The following ST6GALNAC3 variants were observed in gnomAD, a reference collection of about 807,000 sequenced individuals.
ST6GALNAC3 encodes the protein alpha-N-acetylgalactosaminide alpha-2,6-sialyltransferase 3.
A neutral mutation model predicts 32.7 loss-of-function variants in ST6GALNAC3; 25 were observed. The observed-to-expected ratio is 0.76, with a 90% CI of 0.56 to 1.07. The LOEUF (loss-of-function observed/expected upper bound fraction) is 1.07. ST6GALNAC3 is among the 50% of genes least tolerant of loss of function. The probability of loss-of-function intolerance (pLI) is 0.00; values close to 1 mark genes in which losing one functional copy is unlikely to be tolerated. For synonymous variants in ST6GALNAC3, 129 were observed against 133.1 expected (o/e 0.97, Z 0.21); for missense variants, 355 against 382.4 (o/e 0.93, Z 0.60).
intron 2 of ST6GALNAC3, among the ~76,000 whole-genome samples, chr1:76,349,524 AT>A (rs1203570734): frequency 2.6e-5 from 4 of 152,018 alleles, no homozygotes; most frequent in African/African-American, 9.7e-5. Context: ...GGCTTTTTGA[AT>A]TTTTGTTTTC....
At chr1:76,438,622 A>G (rs1198826565) in intron 3 of ST6GALNAC3, among the ~76,000 whole-genome samples, 1 of 152,148 alleles carries the variant, frequency 6.6e-6, no homozygotes, top group Non-Finnish European at 1.5e-5. Flanking sequence ...GCTCTAATAT[A>G]AGAACACTTT....
intron 1 of ST6GALNAC3, among the ~76,000 whole-genome samples, chr1:76,107,773 G>A (rs1647638315): frequency 6.6e-6 from 1 of 151,734 alleles, no homozygotes; most frequent in Non-Finnish European, 1.5e-5. Context: ...GAGAAGAATG[G>A]AAGCTTCTAT....
At chr1:76,591,181 A>ATGTG (rs5775352) in intron 3 of ST6GALNAC3, among the ~76,000 whole-genome samples, 6 of 149,644 alleles carry the variant, frequency 4.0e-5, no homozygotes, top group Non-Finnish European at 7.5e-5. Flanking sequence ...CTGTGTGCGT[A>ATGTG]TGTGTGTGTG....
At chr1:76,128,810 C>G (rs886844188) in intron 1 of ST6GALNAC3, among the ~76,000 whole-genome samples, 1 of 152,208 alleles carries the variant, frequency 6.6e-6, no homozygotes, top group African/African-American at 2.4e-5. Flanking sequence ...GCCCCAGGTG[C>G]TGGGATTTAG....
intron 1 of ST6GALNAC3, among the ~76,000 whole-genome samples, chr1:76,283,746 A>G (rs569972647): frequency 1.8e-4 from 28 of 152,300 alleles, no homozygotes; most frequent in Non-Finnish European, 3.4e-4. Context: ...TGGGATGGAG[A>G]GTGAATAGAA....
At position 76,627,464 on chromosome 1, in the gene ST6GALNAC3, C is replaced by T; in HGVS notation, c.636C>T (p.Gly212=). 1 of 1,611,158 alleles carries T rather than the reference C, an allele frequency of 6.2e-7. No homozygotes were observed. The highest frequency in any genetic ancestry group is 8.5e-7 in the Non-Finnish European group (1 of 1,177,744). Residue 212 remains glycine (G), a synonymous_variant, in exon 4 of 5, where the codon GGC becomes GGT. Coordinates refer to ENST00000328299, the MANE Select transcript of ST6GALNAC3 (RefSeq NM_152996.4). ...KETGKDRVQS[G]SYLSTGWFTF... is the part of the protein sequence containing the mutation. ...TCATTTCCCTCAGAGTCCAGTCTGG[C>T]TCATATCTCAGCACAGGGTGGTTTA... is the stretch of plus-strand genomic sequence containing the variant.
chr1:76,359,011 A>G (rs1019708460), intron 2 of ST6GALNAC3, among the ~76,000 whole-genome samples: 1 of 152,202 alleles, frequency 6.6e-6, no homozygotes, highest in Non-Finnish European at 1.5e-5. Flanking sequence ...ATTAAAATAC[A>G]TATTGCAATT....
chr1:76,449,568 C>T (rs1451237333), intron 3 of ST6GALNAC3, among the ~76,000 whole-genome samples: 10 of 152,198 alleles, frequency 6.6e-5, no homozygotes, highest in Admixed American at 6.5e-4. Context: ...TCCTCACCAG[C>T]ATTTGATGTT....
intron 1 of ST6GALNAC3, among the ~76,000 whole-genome samples, chr1:76,194,305 A>G (rs1654070160): frequency 6.6e-6 from 1 of 152,204 alleles, no homozygotes. Context: ...TATGCAAGGA[A>G]GAAAGTTTAT....
chr1:76,604,559 T>C (rs1214283578), intron 3 of ST6GALNAC3, among the ~76,000 whole-genome samples: 1 of 152,204 alleles, frequency 6.6e-6, no homozygotes, highest in Non-Finnish European at 1.5e-5. Context: ...GGCTCATTCC[T>C]GTTCCTCTTC....
intron 1 of ST6GALNAC3, among the ~76,000 whole-genome samples, chr1:76,244,633 T>C (rs1381090647): frequency 6.6e-6 from 1 of 152,192 alleles, no homozygotes; most frequent in Non-Finnish European, 1.5e-5. Flanking sequence ...ACCTAGTTTA[T>C]TGAGAGTTTT....
chr1:76,244,625 C>G (rs1177992264), intron 1 of ST6GALNAC3, among the ~76,000 whole-genome samples: 1 of 152,082 alleles, frequency 6.6e-6, no homozygotes. Context: ...CCGTCAATAC[C>G]TAGTTTATTG....
At chr1:76,267,912 G>T (rs1228304453) in intron 1 of ST6GALNAC3, among the ~76,000 whole-genome samples, 2 of 152,178 alleles carry the variant, frequency 1.3e-5, no homozygotes, top group Non-Finnish European at 2.9e-5. Flanking sequence ...TCTACCTTCT[G>T]CAGTATAGAG....
intron 1 of ST6GALNAC3, among the ~76,000 whole-genome samples, chr1:76,107,950 T>C (rs1487402776): frequency 6.6e-6 from 1 of 152,232 alleles, no homozygotes; most frequent in Non-Finnish European, 1.5e-5. Context: ...GCTATAGATC[T>C]CTAATACTTG....
At chr1:76,180,690 C>G (rs936084575) in intron 1 of ST6GALNAC3, among the ~76,000 whole-genome samples, 2 of 152,090 alleles carry the variant, frequency 1.3e-5, no homozygotes, top group African/African-American at 4.8e-5. Context: ...AGAGAAAGAG[C>G]GCCTGAATGT....
chr1:76,531,719 C>T (rs114389146), intron 3 of ST6GALNAC3, among the ~76,000 whole-genome samples: 57 of 152,228 alleles, frequency 3.7e-4, no homozygotes, highest in African/African-American at 1.3e-3. Context: ...ATAAAATAGA[C>T]TCAGTTCTGC....
chr1:76,572,881 T>A (rs1255389142), intron 3 of ST6GALNAC3, among the ~76,000 whole-genome samples: 2 of 152,116 alleles, frequency 1.3e-5, no homozygotes, highest in South Asian at 4.1e-4. Context: ...AGATACCATT[T>A]TGAAGAATTT....
intron 3 of ST6GALNAC3, among the ~76,000 whole-genome samples, chr1:76,559,398 G>A (rs944576312): frequency 6.6e-6 from 1 of 152,148 alleles, no homozygotes; most frequent in African/African-American, 2.4e-5. Context: ...AGACTTAAAT[G>A]GAGGATATAA....
chr1:76,505,613 A>G (rs74089989), intron 3 of ST6GALNAC3, among the ~76,000 whole-genome samples: 10,503 of 152,216 alleles, frequency 0.069, 1,222 homozygotes, highest in African/African-American at 0.24. Flanking sequence ...TTTTATTTCC[A>G]AAGAAGCAAA....
Sources: allele counts gnomAD v4.1 joint callset (sites outside exome capture counted in the v4.1 genomes callset), GRCh38; gene constraint gnomAD v4.1.1; transcripts MANE v1.5; gene names NCBI Gene and HGNC (gene_info 2026-07-23, HGNC 2026-07-21).